PRAG1: variants seen among roughly 807,000 people sequenced by gnomAD.
PRAG1 encodes the protein PEAK1 related, kinase-activating pseudokinase 1.
A neutral mutation model predicts 95.6 loss-of-function variants in PRAG1; 110 were observed. The ratio of observed to expected loss-of-function variants is 1.15; its 90% CI spans 0.99 to 1.35. The LOEUF (loss-of-function observed/expected upper bound fraction) is 1.35, where lower values mean the gene tolerates loss of function less well. Among genes scored for constraint, PRAG1 ranks in the 40% most tolerant of loss-of-function variants. PRAG1 has a pLI of 0.00. For synonymous variants in PRAG1, 1,052 were observed against 819.4 expected, an observed-to-expected ratio of 1.28 and a Z score of -4.85; for missense variants, 2,554 against 1,864.7, an observed-to-expected ratio of 1.37 and a Z score of -6.81.
At position 8,318,328 on chromosome 8, in the gene PRAG1, G is replaced by A. The variant is rs1374665335; in HGVS notation, c.4047C>T (p.Gly1349=). ...QPGTSEEALC[G]TLHNWIDMKR... Reference sequence around the variant, plus strand: ...TCATGTCGATCCAGTTGTGCAGCGTGCCGCACAGCGCCTCCTCCGAGGTGC... The same window carrying A: ...TCATGTCGATCCAGTTGTGCAGCGTACCGCACAGCGCCTCCTCCGAGGTGC... The change falls in exon 6 of 6, where the codon GGC becomes GGT. Residue 1349 remains glycine, a synonymous_variant. Coordinates refer to ENST00000615670, the MANE Select transcript of PRAG1 (RefSeq NM_001080826.3). This position sits in a 1 kb window ranked among gnomAD's most constrained non-coding sequence, Gnocchi z 4.2. 3 of 1,614,012 alleles carry A rather than the reference G, an allele frequency of 1.9e-6. No individual in the cohort carries two copies. Among genetic ancestry groups the A allele is most frequent in the East Asian group, 2.2e-5 (1 of 44,886 alleles).
At position 8,339,549 on chromosome 8, in the gene PRAG1, C is replaced by T. The variant is rs1563234909; in HGVS notation, c.2249G>A (p.Gly750Asp). ...GCCGGTGGTGAAGCTGACGTGGACA[C>T]CCCTGAAGGATGGGCTGAGGCTTTC... Reference protein sequence around the residue: ...SAESLSPSFRGVHVSFTTGST... With the variant: ...SAESLSPSFRDVHVSFTTGST... Residue 750 changes from glycine (G) to aspartate (D), a missense_variant, in exon 4 of 6, where the codon GGT (glycine) becomes GAT (aspartate). Physicochemically the swap from Gly to Asp is moderately conservative, Grantham distance 94. Transcript: ENST00000615670. 1 of 1,614,158 alleles carries T rather than the reference C, an allele frequency of 6.2e-7. No homozygotes were observed. The highest frequency in any genetic ancestry group is 1.7e-5 in the Admixed American group (1 of 60,030).
intron 3 of PRAG1, chr8:8,374,751 GC>G (rs1336840795): frequency 6.2e-6 from 6 of 973,968 alleles, no homozygotes; most frequent in Non-Finnish European, 7.3e-6. Flanking sequence ...ATGGTGGGCG[GC>G]CAGTGCAATA....
chr8:8,339,562 G>C lies in PRAG1; in HGVS notation c.2236C>G (p.Pro746Ala), dbSNP rs1338492110. Residue 746 changes from proline to alanine, a missense_variant, in exon 4 of 6, where the codon CCA (proline) becomes GCA (alanine). Coordinates refer to ENST00000615670, the MANE Select transcript of PRAG1 (RefSeq NM_001080826.3). ...CTGACGTGGACACCCCTGAAGGATG[G>C]GCTGAGGCTTTCTGCAGAGCCCTGG... The part of the protein sequence containing the change: ...VSQGSAESLS[P>A]SFRGVHVSFT... 2 of 1,614,174 alleles carry C rather than the reference G, an allele frequency of 1.2e-6. No individual in the cohort carries two copies. The highest frequency in any genetic ancestry group is 3.3e-5 in the Admixed American group (2 of 60,022).
At chr8:8,365,453 T>A (rs1471857412) in intron 3 of PRAG1, among the ~76,000 whole-genome samples, 1 of 148,034 alleles carries the variant, frequency 6.8e-6, no homozygotes, top group Non-Finnish European at 1.5e-5. Context: ...AGAAACCCCG[T>A]CTCTACTAAA....
At chr8:8,332,163 ATT>A (rs35335829) in intron 4 of PRAG1, among the ~76,000 whole-genome samples, 8,245 of 136,740 alleles carry the variant, frequency 0.06, 409 homozygotes, top group African/African-American at 0.14. Context: ...ACATATTACG[ATT>A]TTTTTTTTTT....
intron 4 of PRAG1, 89 bp from the exon 5 acceptor site, chr8:8,328,550 T>G: frequency 7.2e-7 from 1 of 1,380,084 alleles, no homozygotes; most frequent in South Asian, 1.4e-5. Context: ...ATTTATTTAT[T>G]TATTTGGTCA....
chr8:8,385,347 T>C (rs1045734706), intron 1 of PRAG1, among the ~76,000 whole-genome samples: 41 of 152,216 alleles, frequency 2.7e-4, no homozygotes, highest in African/African-American at 8.7e-4. Flanking sequence ...ACTTTTCCTT[T>C]TCTTTTTTCT....
chr8:8,375,984 T>C (rs758088398), intron 3 of PRAG1, among the ~76,000 whole-genome samples: 45 of 152,236 alleles, frequency 3.0e-4, no homozygotes, highest in Non-Finnish European at 5.6e-4. Flanking sequence ...CACCAACAAA[T>C]GGCAACAGCT....
At position 8,377,137 on chromosome 8, in the gene PRAG1, C is replaced by A; in HGVS notation, c.1272G>T (p.Pro424=). 6.2e-7 allele frequency: 1 copy of A among 1,612,488 alleles called. No individual in the cohort carries two copies. Among genetic ancestry groups the A allele is most frequent in the Middle Eastern group, 1.6e-4 (1 of 6,062 alleles). Residue 424 remains proline, a synonymous_variant, in exon 3 of 6, where the codon CCG becomes CCT. Coordinates refer to ENST00000615670, the MANE Select transcript of PRAG1 (RefSeq NM_001080826.3). ...AESTKRKKAA[P]VPSKSQAKIE... is the part of the protein sequence containing the mutation. ...TCTTGGCCTGTGACTTGGAAGGCAC[C>A]GGAGCTGCCTTCTTCCTCTTGGTGC...
Position 8,377,279 on chromosome 8 carries a change from T to C in PRAG1, c.1130A>G (p.Gln377Arg), listed in dbSNP as rs1186823922. 1 of 1,612,796 alleles carries C rather than the reference T, an allele frequency of 6.2e-7. No homozygotes were observed. The highest frequency in any genetic ancestry group is 1.3e-5 in the African/African-American group (1 of 74,942). The change falls in exon 3 of 6, where the codon CAG (glutamine) becomes CGG (arginine). Residue 377 changes from glutamine (Q) to arginine (R), a missense_variant. Transcript: ENST00000615670. Reference sequence around the variant, plus strand: ...CACCCCTGGGCAGCCAGGGTCCTGCTGCTTCTCTGGGGCAGGTTCCTTCAT... The same window carrying C: ...CACCCCTGGGCAGCCAGGGTCCTGCCGCTTCTCTGGGGCAGGTTCCTTCAT... ...SLMKEPAPEK[Q>R]QDPGCPGVTP...
chr8:8,382,552 C>A (rs1275246871), intron 1 of PRAG1, among the ~76,000 whole-genome samples: 1 of 152,124 alleles, frequency 6.6e-6, no homozygotes, highest in Non-Finnish European at 1.5e-5. Context: ...AGTAGTAAGA[C>A]AAATTCATGG....
intron 3 of PRAG1, among the ~76,000 whole-genome samples, chr8:8,343,966 A>G (rs543510342): frequency 1.3e-5 from 2 of 152,152 alleles, no homozygotes; most frequent in South Asian, 2.1e-4. Context: ...TTTATTTAAC[A>G]TAATGTATTC....
intron 3 of PRAG1, among the ~76,000 whole-genome samples, chr8:8,344,982 T>A (rs1186909326): frequency 6.6e-6 from 1 of 151,912 alleles, no homozygotes; most frequent in Non-Finnish European, 1.5e-5. Context: ...TTGTCAAAAC[T>A]CTCATCAAGT....
At chr8:8,361,059 G>C (rs1052457478) in intron 3 of PRAG1, among the ~76,000 whole-genome samples, 3 of 152,168 alleles carry the variant, frequency 2.0e-5, no homozygotes, top group African/African-American at 7.2e-5. Context: ...GGCCTAAAAA[G>C]TGATCAATTT....
chr8:8,339,025 C>A (rs1425994696), intron 4 of PRAG1, among the ~76,000 whole-genome samples: 1 of 152,070 alleles, frequency 6.6e-6, no homozygotes, highest in Non-Finnish European at 1.5e-5. Flanking sequence ...ATGCTTAATT[C>A]AGCAAACATT....
intron 3 of PRAG1, among the ~76,000 whole-genome samples, chr8:8,349,740 T>G (rs1007088153): frequency 6.6e-6 from 1 of 152,142 alleles, no homozygotes; most frequent in African/African-American, 2.4e-5. Flanking sequence ...ATATAGGAAA[T>G]CAGTTTCATC....
chr8:8,344,193 C>T (rs1004407796), intron 3 of PRAG1, among the ~76,000 whole-genome samples: 3 of 152,066 alleles, frequency 2.0e-5, no homozygotes, highest in South Asian at 2.1e-4. Flanking sequence ...GTGTTCACAA[C>T]GTTACAAATA....
intron 4 of PRAG1, among the ~76,000 whole-genome samples, chr8:8,335,563 A>G (rs976080582): frequency 3.9e-5 from 6 of 152,176 alleles, no homozygotes; most frequent in African/African-American, 1.4e-4. Context: ...AAAAGTATTG[A>G]CTTTATTGGA....
At chr8:8,330,781 G>A (rs1159631347) in intron 4 of PRAG1, among the ~76,000 whole-genome samples, 3 of 152,158 alleles carry the variant, frequency 2.0e-5, no homozygotes, top group Admixed American at 6.5e-5. Context: ...ACAGACGGAG[G>A]CTAGGGCAGA....
Sources: allele counts gnomAD v4.1 joint callset (sites outside exome capture counted in the v4.1 genomes callset), GRCh38; gene constraint gnomAD v4.1.1; non-coding constraint Gnocchi (gnomAD v3.1); transcripts MANE v1.5; gene names NCBI Gene and HGNC (gene_info 2026-07-23, HGNC 2026-07-21).